SEMA4G: variants seen among roughly 807,000 people sequenced by gnomAD.
SEMA4G encodes the protein semaphorin 4G.
In SEMA4G, 59 loss-of-function variants were observed where a neutral mutation model predicts 81.2. The ratio of observed to expected loss-of-function variants is 0.73; its 90% CI spans 0.59 to 0.90. The LOEUF (loss-of-function observed/expected upper bound fraction) is 0.90. SEMA4G is among the 40% of genes least tolerant of loss of function. The probability of loss-of-function intolerance (pLI) is 0.00; values close to 1 mark genes in which losing one functional copy is unlikely to be tolerated. For missense variants in SEMA4G, 952 were observed against 1,102.3 expected (o/e 0.86, Z 1.93); for synonymous variants, 404 against 433.9 (o/e 0.93, Z 0.86).
chr10:100,984,472 CCTTT>C (rs1564801033), exon 14 of SEMA4G: 1 of 1,529,644 alleles, frequency 6.5e-7, no homozygotes, highest in East Asian at 2.5e-5. Flanking sequence ...CTGCCCAAAC[CCTTT>C]CTCTTTCTCC....
intron 13 of SEMA4G, 198 bp downstream of exon 14, chr10:100,981,427 T>C (rs757324175): frequency 6.2e-7 from 1 of 1,613,986 alleles, no homozygotes; most frequent in Non-Finnish European, 8.5e-7. Context: ...CTAGGAAACA[T>C]ATTTAAGATG....
Position 100,981,231 on chromosome 10 carries a change from T to C in SEMA4G, c.1690+2T>C, listed in dbSNP as rs201391924. On this transcript the variant is annotated splice_donor_variant, in intron 13 of 13. Transcript: ENST00000370250. LOFTEE classifies it high-confidence loss of function. The stretch of plus-strand genomic sequence containing the variant: ...GCTGTGAGAGCAGCAGGGATACAGG[T>C]AAGTGACTCATATGAGTGTGGGTCT... The C allele has an allele frequency of 2.5e-6, 4 of 1,614,056 alleles. No individual in the cohort carries two copies. The East Asian group carries it at 8.9e-5, about 36-fold the overall frequency.
intron 3 of SEMA4G, among the ~76,000 whole-genome samples, chr10:100,974,022 T>G (rs12253241): frequency 6.6e-6 from 1 of 151,146 alleles, no homozygotes; most frequent in Non-Finnish European, 1.5e-5. Context: ...GCAGTCCCCC[T>G]ACCTTAGCCT....
At chr10:100,983,919 C>A in exon 14 of SEMA4G, 4 of 1,563,652 alleles carry the variant, frequency 2.6e-6, no homozygotes, top group Non-Finnish European at 3.5e-6. Context: ...ACCACCCCCA[C>A]CGCCCCCACC....
intron 5 of SEMA4G, 66 bp downstream of exon 6, chr10:100,978,454 C>T (rs968691423): frequency 1.3e-6 from 2 of 1,594,228 alleles, no homozygotes; most frequent in African/African-American, 1.3e-5. Context: ...TCTCTAGGAC[C>T]TGCCACCATG....
At chr10:100,978,250 C>T in intron 4 of SEMA4G, 45 bp from the exon 6 acceptor site, 1 of 1,471,274 alleles carries the variant, frequency 6.8e-7, no homozygotes, top group South Asian at 1.2e-5. Flanking sequence ...GCCACTGTCC[C>T]TGCCTGTCTT....
chr10:100,973,250 C>A lies in SEMA4G; in HGVS notation c.246C>A (p.Asn82Lys). 6.2e-7 allele frequency: 1 copy of A among 1,613,302 alleles called. No individual in the cohort carries two copies. Among genetic ancestry groups the A allele is most frequent in the Non-Finnish European group, 8.5e-7 (1 of 1,180,026 alleles). Reference sequence around the variant, plus strand: ...GTGCCCTGTTCTCTCTCAGTGCCAACGACATAGGAGATGGGGCTCACAAAG... The same window carrying A: ...GTGCCCTGTTCTCTCTCAGTGCCAAAGACATAGGAGATGGGGCTCACAAAG... Residue 82 changes from asparagine (N) to lysine (K), a missense_variant, in exon 2 of 14, where the codon AAC becomes AAA. Transcript: ENST00000370250. The surrounding 1 kb of genome is among the most constrained non-coding windows in gnomAD (Gnocchi z 5.5).
chr10:100,982,515 G>A (rs1851147733), intron 13 of SEMA4G, among the ~76,000 whole-genome samples: 1 of 152,218 alleles, frequency 6.6e-6, no homozygotes, highest in Non-Finnish European at 1.5e-5. Flanking sequence ...AAGAAGGGCC[G>A]GGCACGGTGG....
intron 8 of SEMA4G, 170 bp downstream of exon 9, chr10:100,979,441 G>A: frequency 6.6e-7 from 1 of 1,515,504 alleles, no homozygotes; most frequent in Non-Finnish European, 8.8e-7. Flanking sequence ...GGAGTGCAGT[G>A]GCGCGATCTC....
intron 3 of SEMA4G, among the ~76,000 whole-genome samples, chr10:100,976,505 A>G (rs1423843552): frequency 6.6e-6 from 1 of 152,114 alleles, no homozygotes; most frequent in Non-Finnish European, 1.5e-5. Context: ...ATGCCACCAC[A>G]TAGAGATGAG....
intron 3 of SEMA4G, among the ~76,000 whole-genome samples, chr10:100,976,001 TGGA>T (rs1407494839): frequency 6.6e-6 from 1 of 152,092 alleles, no homozygotes; most frequent in Non-Finnish European, 1.5e-5. Flanking sequence ...AGGGTGAGTC[TGGA>T]GGCAGGAAAA....
At chr10:100,971,500 T>C (rs1242305640), upstream of SEMA4G, among the ~76,000 whole-genome samples, 1 of 152,192 alleles carries the variant, frequency 6.6e-6, no homozygotes, top group African/African-American at 2.4e-5. Context: ...GAATAATTGC[T>C]CCTGTTATCC....
chr10:100,970,255 AC>A (rs1287370563), upstream of SEMA4G, among the ~76,000 whole-genome samples: 2 of 151,806 alleles, frequency 1.3e-5, no homozygotes, highest in Non-Finnish European at 2.9e-5. Context: ...GAGACCTTAA[AC>A]CCGTACTTCG....
chr10:100,984,744 T>A (rs1590003340), exon 14 of SEMA4G: 2 of 1,535,996 alleles, frequency 1.3e-6, no homozygotes, highest in East Asian at 4.9e-5. Flanking sequence ...CTGGTCCTCT[T>A]CCCCAGCCCC....
exon 1 of SEMA4G, chr10:100,972,826 T>C (rs771649939): frequency 1.8e-4 from 267 of 1,456,476 alleles, no homozygotes; most frequent in Non-Finnish European, 2.3e-4. Context: ...CTTTGACCCC[T>C]GTGACTGTGC....
chr10:100,969,694 G>A (rs1850573955), upstream of SEMA4G: 3 of 369,064 alleles, frequency 8.1e-6, no homozygotes, highest in Admixed American at 8.9e-5. Flanking sequence ...CCTCCAAGCT[G>A]GGCCAGGCCT....
In SEMA4G at chr10:100,973,710, A is replaced by C; in HGVS notation, c.336+101A>C. 1.0e-6 allele frequency: 1 copy of C among 985,276 alleles called. No homozygotes were observed. The highest frequency in any genetic ancestry group is 1.5e-6 in the Non-Finnish European group (1 of 649,002). The allele number at this position is 985,276 out of a possible 1,614,324, so 61.0% of individuals were successfully genotyped here. On this transcript the variant is annotated intron_variant, in intron 3 of 13. Coordinates refer to ENST00000370250, the Ensembl canonical transcript of SEMA4G. The surrounding 1 kb of genome is among the most constrained non-coding windows in gnomAD (Gnocchi z 5.5). ...ACAGATGGGTAGGTACAGACCTGCC[A>C]GTCAATCTCAGCAACCACAGTAAAC...
At chr10:100,971,395 A>C (rs532932790), upstream of SEMA4G, among the ~76,000 whole-genome samples, 2 of 152,332 alleles carry the variant, frequency 1.3e-5, no homozygotes, top group South Asian at 4.1e-4. Flanking sequence ...CAGGGAGCCT[A>C]TGCCCTTTCA....
At chr10:100,983,594 A>T in exon 14 of SEMA4G, 1 of 1,614,044 alleles carries the variant, frequency 6.2e-7, no homozygotes, top group Non-Finnish European at 8.5e-7. Flanking sequence ...CAGCTCCAAA[A>T]GCCCCTGCCA....
Sources: gnomAD v4.1 joint callset for allele counts (sites outside exome capture counted in the v4.1 genomes callset) on GRCh38, gnomAD v4.1.1 for gene constraint, Gnocchi (gnomAD v3.1) non-coding constraint, MANE v1.5 for transcripts, NCBI Gene and HGNC (gene_info 2026-07-23, HGNC 2026-07-21) for gene names.